Variants in TIAL1 observed in about 807,000 individuals in gnomAD.
TIAL1 encodes the protein nucleolysin TIAR.
TIAL1 carries 7 observed loss-of-function variants against 59.7 expected under a neutral mutation model. The observed-to-expected ratio is 0.12, with a 90% CI of 0.07 to 0.22. The LOEUF is 0.22. TIAL1 is among the 10% of genes least tolerant of loss of function. TIAL1 has a pLI of 1.00. For missense variants in TIAL1, 225 were observed against 462.5 expected (o/e 0.49, Z 4.71); for synonymous variants, 149 against 146.3 (o/e 1.02, Z -0.13).
In TIAL1 at chr10:119,575,772, AAGC is replaced by A; in HGVS notation, c.1018_1020del (p.Ala340del). The stretch of plus-strand genomic sequence containing the variant: ...GGCTGAGCACCAAATCCACCCATCC[AAGC>A]AGCAGAAGGTGATTGACTTGGAAGA... On this transcript the variant is annotated inframe_deletion, in exon 12 of 12. Transcript: ENST00000436547. 6.3e-7 allele frequency: 1 copy of A among 1,581,156 alleles called. No homozygotes were observed. The highest frequency in any genetic ancestry group is 1.7e-4 in the Middle Eastern group (1 of 5,910).
chr10:119,590,831 G>A (rs1357232188), intron 1 of TIAL1, among the ~76,000 whole-genome samples: 1 of 138,718 alleles, frequency 7.2e-6, no homozygotes, highest in Non-Finnish European at 1.6e-5. Flanking sequence ...AAACGAACAA[G>A]TGATCTTGAG....
intron 1 of TIAL1, among the ~76,000 whole-genome samples, chr10:119,594,686 GCAAT>G (rs1846064505): frequency 6.6e-6 from 1 of 152,098 alleles, no homozygotes; most frequent in Non-Finnish European, 1.5e-5. Flanking sequence ...GTGCAGTGGT[GCAAT>G]CTCGGCTCAC....
chr10:119,582,149 A>C lies in TIAL1; in HGVS notation c.283+20T>G, dbSNP rs1019454606. On this transcript the variant is annotated intron_variant, in intron 4 of 11. Transcript: ENST00000436547. This position sits in a 1 kb window ranked among gnomAD's most constrained non-coding sequence, Gnocchi z 5.1. ...TAATTTCAGAACTCTTCCACAGTAAAATGCAGCAGGAGTACTTACTGGAAG... is the reference window on the plus strand; with the variant it reads ...TAATTTCAGAACTCTTCCACAGTAACATGCAGCAGGAGTACTTACTGGAAG... 6.2e-7 allele frequency: 1 copy of C among 1,605,294 alleles called. No homozygotes were observed. The highest frequency in any genetic ancestry group is 1.3e-5 in the African/African-American group (1 of 74,294).
At position 119,574,787 on chromosome 10, in the gene TIAL1, A is replaced by C. The variant is rs1174374853; in HGVS notation, c.*878T>G. 6.6e-6 allele frequency: 1 copy of C among 152,558 alleles called. No homozygotes were observed. Among genetic ancestry groups the C allele is most frequent in the Non-Finnish European group, 1.5e-5 (1 of 68,022 alleles). The allele number at this position is 152,558 out of a possible 1,614,324, so 9.5% of individuals were successfully genotyped here. A position where few individuals can be genotyped will look rare whatever the true frequency, so the allele number is the denominator to read the frequency against. On this transcript the variant is annotated 3_prime_UTR_variant, in exon 12 of 12. Coordinates refer to ENST00000436547, the MANE Select transcript of TIAL1 (RefSeq NM_003252.4). ...CAATCCACTGCATTCAATGCAGCGG[A>C]GTGTGTTAAGTGTTACTTCAAATAA...
Position 119,581,902 on chromosome 10 carries a change from G to GT in TIAL1, c.371+19dup, listed in dbSNP as rs1564736812. The stretch of plus-strand genomic sequence containing the variant: ...ATTCTGCCTATCATGACTGAGTGTA[G>GT]TACTGATTATGATACTTACGATATT... On this transcript the variant is annotated intron_variant, in intron 5 of 11. Transcript: ENST00000436547. 6.4e-7 allele frequency: 1 copy of GT among 1,567,066 alleles called. No individual in the cohort carries two copies. Among genetic ancestry groups the GT allele is most frequent in the African/African-American group, 1.4e-5 (1 of 74,002 alleles).
At chr10:119,590,810 A>G (rs566438637) in intron 1 of TIAL1, among the ~76,000 whole-genome samples, 2 of 150,912 alleles carry the variant, frequency 1.3e-5, no homozygotes, top group Non-Finnish European at 2.9e-5. Context: ...GAAAGAAAGA[A>G]AGAAAGAAAG....
chr10:119,585,353 G>C (rs1845514819), intron 2 of TIAL1, among the ~76,000 whole-genome samples: 1 of 151,596 alleles, frequency 6.6e-6, no homozygotes, highest in Non-Finnish European at 1.5e-5. Flanking sequence ...GGGAGACTGA[G>C]GTGGGAGGAT....
intron 1 of TIAL1, among the ~76,000 whole-genome samples, chr10:119,594,919 G>C (rs956544273): frequency 6.6e-6 from 1 of 152,098 alleles, no homozygotes; most frequent in Non-Finnish European, 1.5e-5. Flanking sequence ...CACTGCGCCC[G>C]GCCTGAAGGA....
chr10:119,589,488 G>A (rs1448814471), intron 1 of TIAL1, among the ~76,000 whole-genome samples: 5 of 152,154 alleles, frequency 3.3e-5, no homozygotes. Context: ...TTACAGGAGT[G>A]AGCCACCATG....
At chr10:119,577,985 G>A (rs538776619) in intron 7 of TIAL1, among the ~76,000 whole-genome samples, 2 of 152,142 alleles carry the variant, frequency 1.3e-5, no homozygotes, top group East Asian at 3.9e-4. Flanking sequence ...CCAGCACTTT[G>A]GGAGGCTGAG....
At chr10:119,586,449 C>T (rs1303997514) in intron 2 of TIAL1, among the ~76,000 whole-genome samples, 1 of 152,198 alleles carries the variant, frequency 6.6e-6, no homozygotes, top group Non-Finnish European at 1.5e-5. Flanking sequence ...TCATCTCTTA[C>T]CTAGACTAGT....
intron 1 of TIAL1, among the ~76,000 whole-genome samples, chr10:119,589,365 C>CT: frequency 2.0e-5 from 3 of 152,094 alleles, no homozygotes; most frequent in Non-Finnish European, 4.4e-5. Flanking sequence ...ACCACCACGC[C>CT]CGGCTAATTT....
At chr10:119,595,609 G>A (rs1360152666) in intron 1 of TIAL1, among the ~76,000 whole-genome samples, 3 of 152,132 alleles carry the variant, frequency 2.0e-5, no homozygotes, top group African/African-American at 7.2e-5. Flanking sequence ...CAAGACAGGA[G>A]AAAAAGCGTT....
Position 119,596,938 on chromosome 10 carries a change from G to C in TIAL1, c.-473C>G. 5.6e-6 allele frequency: 1 copy of C among 178,076 alleles called. No individual in the cohort carries two copies. Among genetic ancestry groups the C allele is most frequent in the South Asian group, 9.4e-5 (1 of 10,594 alleles). 11.0% of individuals were successfully genotyped at this position (178,076 alleles called of 1,614,324 possible). On this transcript the variant is annotated 5_prime_UTR_variant, in exon 1 of 12. Coordinates refer to ENST00000436547, the MANE Select transcript of TIAL1 (RefSeq NM_003252.4). ...CGAAGTCTCTGGGAATTGTGGTCCT[G>C]GAAATGAGAGAGGGAAGCACTTCTG...
chr10:119,582,122 G>C lies in TIAL1; in HGVS notation c.283+47C>G, dbSNP rs1845335316. On this transcript the variant is annotated intron_variant, in intron 4 of 11. Coordinates refer to ENST00000436547, the MANE Select transcript of TIAL1 (RefSeq NM_003252.4). The surrounding 1 kb of genome is among the most constrained non-coding windows in gnomAD (Gnocchi z 5.1). ...CTATTTAAGCTGGTAATGCCTCCTG[G>C]ATAATTTCAGAACTCTTCCACAGTA... 1.3e-6 allele frequency: 2 copies of C among 1,598,370 alleles called. No homozygotes were observed. Among genetic ancestry groups the C allele is most frequent in the African/African-American group, 1.4e-5 (1 of 73,890 alleles).
chr10:119,591,435 G>A (rs114808361), intron 1 of TIAL1, among the ~76,000 whole-genome samples: 1,984 of 151,672 alleles, frequency 0.013, 41 homozygotes, highest in African/African-American at 0.045. Flanking sequence ...TTTATTCTAA[G>A]TCAACCTATT....
In TIAL1 at chr10:119,582,159, G is replaced by T; in HGVS notation, c.283+10C>A. ...ACTCTTCCACAGTAAAATGCAGCAG[G>T]AGTACTTACTGGAAGTATCTTTTTT... is the stretch of plus-strand genomic sequence containing the variant. On this transcript the variant is annotated intron_variant, in intron 4 of 11. Transcript: ENST00000436547. This position sits in a 1 kb window ranked among gnomAD's most constrained non-coding sequence, Gnocchi z 5.1. 1.9e-6 allele frequency: 3 copies of T among 1,606,804 alleles called. No homozygotes were observed. Among genetic ancestry groups the T allele is most frequent in the Non-Finnish European group, 2.5e-6 (3 of 1,177,728 alleles).
At chr10:119,579,262 C>T (rs1400298811) in intron 6 of TIAL1, among the ~76,000 whole-genome samples, 1 of 152,052 alleles carries the variant, frequency 6.6e-6, no homozygotes. Flanking sequence ...CGCTTGAACC[C>T]GGGAGGTGGA....
Position 119,579,980 on chromosome 10 carries a change from A to G in TIAL1, c.402T>C (p.Thr134=). ...CAAAACCATAGCCTTTGGATTTTCC[A>G]GTTGCCATGTCTTTAACTACCCGGG... ...SDARVVKDMA[T]GKSKGYGFVS... is the part of the protein sequence containing the mutation. The change falls in exon 6 of 12, where the codon ACT becomes ACC. Residue 134 remains threonine, a synonymous_variant. Transcript: ENST00000436547. The G allele has an allele frequency of 6.2e-7, 1 of 1,611,424 alleles. No individual in the cohort carries two copies. Among genetic ancestry groups the G allele is most frequent in the Non-Finnish European group, 8.5e-7 (1 of 1,178,856 alleles).
Sources: allele counts gnomAD v4.1 joint callset (sites outside exome capture counted in the v4.1 genomes callset), GRCh38; gene constraint gnomAD v4.1.1; non-coding constraint Gnocchi (gnomAD v3.1); transcripts MANE v1.5; gene names NCBI Gene and HGNC (gene_info 2026-07-23, HGNC 2026-07-21).